SV2B: variants seen among roughly 807,000 people sequenced by gnomAD.
The protein encoded by SV2B is synaptic vesicle glycoprotein 2B, also known as solute carrier family 22 member B2.
A neutral mutation model predicts 73.9 loss-of-function variants in SV2B; 41 were observed. The observed-to-expected ratio is 0.56, with a 90% CI of 0.43 to 0.72. The LOEUF (loss-of-function observed/expected upper bound fraction) is 0.72. SV2B is among the 30% of genes least tolerant of loss of function. The pLI, the probability that SV2B is intolerant of heterozygous loss-of-function variation, is 0.00. For synonymous variants in SV2B, 314 were observed against 314.2 expected (o/e 1.00, Z 0.01); for missense variants, 764 against 857.8 (o/e 0.89, Z 1.37).
rs1045246147 is a variant in SV2B at position 91,253,335 on chromosome 15, G to A, written c.784+815G>A. ...TCAGACCCCGAGGGGGTAGCAGACAGCTGCCCCTGAAGCTGACTGATAGTT... is the reference window on the plus strand; with the variant it reads ...TCAGACCCCGAGGGGGTAGCAGACAACTGCCCCTGAAGCTGACTGATAGTT... On this transcript the variant is annotated intron_variant, in intron 4 of 12. Coordinates refer to ENST00000394232, the MANE Select transcript of SV2B (RefSeq NM_001323032.3). The surrounding 1 kb of genome is among the most constrained non-coding windows in gnomAD (Gnocchi z 5.0). Among the ~76,000 whole-genome samples, 1 of 152,220 alleles carries A rather than the reference G, an allele frequency of 6.6e-6. No homozygotes were observed. Among genetic ancestry groups the A allele is most frequent in the Non-Finnish European group, 1.5e-5 (1 of 68,040 alleles).
At position 91,136,821 on chromosome 15, in the gene SV2B, G is replaced by C. The variant is rs986407303; in HGVS notation, c.-392+36458G>C. Among the ~76,000 whole-genome samples the C allele has an allele frequency of 4.6e-5, 7 of 152,292 alleles. No homozygotes were observed. Among genetic ancestry groups the C allele is most frequent in the Admixed American group, 3.9e-4 (6 of 15,308 alleles). Reference sequence around the variant, plus strand: ...GCTGGCACATGGGATCCAGAGGTGGGTGGCAGTGATGAAACAAGAGGGCAA... The same window carrying C: ...GCTGGCACATGGGATCCAGAGGTGGCTGGCAGTGATGAAACAAGAGGGCAA... On this transcript the variant is annotated intron_variant, in intron 1 of 12. Coordinates refer to ENST00000394232, the MANE Select transcript of SV2B (RefSeq NM_001323032.3). The surrounding 1 kb of genome is among the most constrained non-coding windows in gnomAD (Gnocchi z 5.6).
In SV2B at chr15:91,176,973, A is replaced by G. The variant is rs2044334208; in HGVS notation, c.-391-48900A>G. On this transcript the variant is annotated intron_variant, in intron 1 of 12. Transcript: ENST00000394232. ...AGACATGAAGTCCTTGCCCATGCCTACGTCCTGAATGGTAATGCCTAGGTT... is the reference window on the plus strand; with the variant it reads ...AGACATGAAGTCCTTGCCCATGCCTGCGTCCTGAATGGTAATGCCTAGGTT... Among the ~76,000 whole-genome samples, 5 of 152,254 alleles carry G rather than the reference A, an allele frequency of 3.3e-5. No individual in the cohort carries two copies. The South Asian group carries it at 1.0e-3, about 32-fold the overall frequency.
intron 2 of SV2B, among the ~76,000 whole-genome samples, chr15:91,237,797 G>A (rs1051333406): frequency 6.6e-6 from 1 of 152,200 alleles, no homozygotes; most frequent in Non-Finnish European, 1.5e-5. Context: ...TTGCGATGAT[G>A]TTTGGAATAT....
chr15:91,135,956 G>T lies in SV2B; in HGVS notation c.-392+35593G>T, dbSNP rs184924810. Among the ~76,000 whole-genome samples, 629 of 152,092 alleles carry T rather than the reference G, an allele frequency of 4.1e-3. 3 individuals are homozygous for T. Among genetic ancestry groups the T allele is most frequent in the African/African-American group, 0.014 (589 of 41,464 alleles). ...GCTGTTAGCCTTCACCTTGCAGGAG[G>T]GCAAGAGAACCACACGATTGCAGCT... is the stretch of plus-strand genomic sequence containing the variant. On this transcript the variant is annotated intron_variant, in intron 1 of 12. Coordinates refer to ENST00000394232, the MANE Select transcript of SV2B (RefSeq NM_001323032.3).
At chr15:91,272,509 C>A (rs1289268063) in intron 9 of SV2B, among the ~76,000 whole-genome samples, 1 of 152,074 alleles carries the variant, frequency 6.6e-6, no homozygotes, top group African/African-American at 2.4e-5. Context: ...TTACTCCTGG[C>A]GGTTCCTCAA....
chr15:91,297,910 C>T lies in SV2B; in HGVS notation c.*5358C>T, dbSNP rs1340886115. ...GCTCAGCAGAGGTTGAACCCTTTCC[C>T]CTGGGGGTTGGTGATCTTTGTTTTG... On this transcript the variant is annotated 3_prime_UTR_variant, in exon 13 of 13. Transcript: ENST00000394232. This position sits in a 1 kb window ranked among gnomAD's most constrained non-coding sequence, Gnocchi z 5.1. 1.3e-5 allele frequency: 2 copies of T among 152,264 alleles called. No homozygotes were observed. Among genetic ancestry groups the T allele is most frequent in the Admixed American group, 1.3e-4 (2 of 15,288 alleles). The allele number at this position is 152,264 out of a possible 1,614,324, so 9.4% of individuals were successfully genotyped here. A position where few individuals can be genotyped will look rare whatever the true frequency, so the allele number is the denominator to read the frequency against.
intron 2 of SV2B, among the ~76,000 whole-genome samples, chr15:91,244,503 C>T (rs2047147937): frequency 6.6e-6 from 1 of 152,166 alleles, no homozygotes; most frequent in Admixed American, 6.5e-5. Context: ...CTTTTCGACC[C>T]AAAAGAAAGT....
intron 1 of SV2B, among the ~76,000 whole-genome samples, chr15:91,161,158 G>T (rs572403380): frequency 6.6e-6 from 1 of 152,312 alleles, no homozygotes; most frequent in Non-Finnish European, 1.5e-5. Flanking sequence ...ACAGCAGAAA[G>T]TGACTGCAAA....
rs1046102362 is a variant in SV2B at position 91,153,322 on chromosome 15, C to T, written c.-392+52959C>T. Among the ~76,000 whole-genome samples the T allele has an allele frequency of 2.0e-5, 3 of 152,166 alleles. No individual in the cohort carries two copies. The East Asian group carries it at 5.8e-4, about 29-fold the overall frequency. On this transcript the variant is annotated intron_variant, in intron 1 of 12. Coordinates refer to ENST00000394232, the MANE Select transcript of SV2B (RefSeq NM_001323032.3). ...TCACTATTGGACCACGTCACATCAT[C>T]TCTGGTGCCAGCGTCACTGTGTGTC...
rs2048936615 is a variant in SV2B at position 91,288,516 on chromosome 15, T to A, written c.1709-1005T>A. Among the ~76,000 whole-genome samples the A allele has an allele frequency of 6.6e-6, 1 of 152,168 alleles. No individual in the cohort carries two copies. Among genetic ancestry groups the A allele is most frequent in the Non-Finnish European group, 1.5e-5 (1 of 68,018 alleles). ...CGAAAAGTGAGATGATGCAGATGTT[T>A]CTGTGCCTGGTTTACCCCATGGACT... On this transcript the variant is annotated intron_variant, in intron 11 of 12. Coordinates refer to ENST00000394232, the MANE Select transcript of SV2B (RefSeq NM_001323032.3). The surrounding 1 kb of genome is among the most constrained non-coding windows in gnomAD (Gnocchi z 5.8).
Position 91,251,898 on chromosome 15 carries a change from C to T in SV2B, c.531C>T (p.Val177=). Residue 177 remains valine, a synonymous_variant, in exon 3 of 13, where the codon GTC becomes GTT. Transcript: ENST00000394232. ...GLADKLGRKR[V]LSMSLAVNAS... ...CTGATAAGCTGGGAAGGAAGCGAGT[C>T]CTCAGCATGTCTCTGGCCGTCAATG... 1.9e-6 allele frequency: 3 copies of T among 1,614,160 alleles called. No individual in the cohort carries two copies. Among genetic ancestry groups the T allele is most frequent in the Non-Finnish European group, 2.5e-6 (3 of 1,180,026 alleles).
intron 1 of SV2B, among the ~76,000 whole-genome samples, chr15:91,150,384 T>G (rs1463057324): frequency 6.6e-6 from 1 of 152,210 alleles, no homozygotes; most frequent in African/African-American, 2.4e-5. Context: ...CCTGAGTCAA[T>G]CAAGTCAGCT....
rs202121312 is a variant in SV2B at position 91,132,411 on chromosome 15, A to G, written c.-392+32048A>G. 1.3e-5 allele frequency among the ~76,000 whole-genome samples: 2 copies of G among 152,354 alleles called. No homozygotes were observed. The highest frequency in any genetic ancestry group is 6.5e-5 in the Admixed American group (1 of 15,304). ...TAGGGTGAAGTAAAGTTATACTTCT[A>G]TGCAAATGAAGACTTGGCCTGCAAT... On this transcript the variant is annotated intron_variant, in intron 1 of 12. Transcript: ENST00000394232. This position sits in a 1 kb window ranked among gnomAD's most constrained non-coding sequence, Gnocchi z 4.6.
chr15:91,217,737 A>C (rs1465512804), intron 1 of SV2B, among the ~76,000 whole-genome samples: 3 of 152,390 alleles, frequency 2.0e-5, no homozygotes, highest in South Asian at 2.1e-4. Context: ...ATACATGAGA[A>C]AATATTGAGT....
At chr15:91,178,169 G>C (rs939870225) in intron 1 of SV2B, among the ~76,000 whole-genome samples, 1 of 151,418 alleles carries the variant, frequency 6.6e-6, no homozygotes, top group East Asian at 1.9e-4. Context: ...TTTGTCTTTG[G>C]TTCTGTTTAT....
chr15:91,275,642 T>C (rs559699892), intron 9 of SV2B, among the ~76,000 whole-genome samples: 7 of 152,282 alleles, frequency 4.6e-5, no homozygotes, highest in Admixed American at 2.6e-4. Context: ...TTGGGCAACA[T>C]GGTAAAACCT....
chr15:91,206,074 G>T (rs1008316424), intron 1 of SV2B, among the ~76,000 whole-genome samples: 2 of 152,090 alleles, frequency 1.3e-5, no homozygotes, highest in African/African-American at 2.4e-5. Context: ...GTCTTCCTCT[G>T]TTGCCCTGGC....
At chr15:91,194,514 G>T (rs146531730) in intron 1 of SV2B, among the ~76,000 whole-genome samples, 11 of 152,176 alleles carry the variant, frequency 7.2e-5, no homozygotes, top group Non-Finnish European at 1.5e-4. Flanking sequence ...CAGAGTCTTA[G>T]ATATACGTAT....
chr15:91,109,176 C>T (rs758423902), intron 1 of SV2B, among the ~76,000 whole-genome samples: 1 of 152,216 alleles, frequency 6.6e-6, no homozygotes, highest in Non-Finnish European at 1.5e-5. Flanking sequence ...GACAAAAGTA[C>T]CCTTGGAAAA....
Sources: gnomAD v4.1 joint callset for allele counts (sites outside exome capture counted in the v4.1 genomes callset) on GRCh38, gnomAD v4.1.1 for gene constraint, Gnocchi (gnomAD v3.1) non-coding constraint, MANE v1.5 for transcripts, NCBI Gene and HGNC (gene_info 2026-07-23, HGNC 2026-07-21) for gene names.